The following FHL2 variants were observed in gnomAD, a reference collection of about 807,000 sequenced individuals.
FHL2 encodes four and a half LIM domains protein 2.
FHL2 carries 20 observed loss-of-function variants against 32.7 expected under a neutral mutation model. The ratio of observed to expected loss-of-function variants is 0.61; its 90% CI spans 0.43 to 0.89. FHL2 has a LOEUF of 0.89. Among genes scored for constraint, FHL2 ranks in the 40% least tolerant of loss-of-function variants. The pLI, the probability that FHL2 is intolerant of heterozygous loss-of-function variation, is 0.00. For synonymous variants in FHL2, 123 were observed against 128.1 expected, an observed-to-expected ratio of 0.96 and a Z score of 0.27; for missense variants, 311 against 358.6, an observed-to-expected ratio of 0.87 and a Z score of 1.07.
chr2:105,369,002 C>T (rs1326791880), intron 4 of FHL2, among the ~76,000 whole-genome samples: 2 of 152,110 alleles, frequency 1.3e-5, no homozygotes, highest in African/African-American at 4.8e-5. Flanking sequence ...GCTAGACGGC[C>T]GAGTAGTGTG....
At chr2:105,393,525 G>T (rs141653043) in intron 2 of FHL2, among the ~76,000 whole-genome samples, 2 of 152,118 alleles carry the variant, frequency 1.3e-5, no homozygotes, top group Non-Finnish European at 2.9e-5. Context: ...TCATGCAATT[G>T]CCCCGTCTTC....
At chr2:105,437,365 T>C (rs538164663) in intron 1 of FHL2, among the ~76,000 whole-genome samples, 4 of 152,244 alleles carry the variant, frequency 2.6e-5, no homozygotes, top group African/African-American at 9.6e-5. Context: ...ATGTATGTAC[T>C]GATACACATT....
At chr2:105,379,677 C>T (rs1050217035) in intron 3 of FHL2, among the ~76,000 whole-genome samples, 1 of 152,188 alleles carries the variant, frequency 6.6e-6, no homozygotes, top group Non-Finnish European at 1.5e-5. Flanking sequence ...AGATTGACCC[C>T]AACTCGCTTT....
chr2:105,419,839 A>G (rs1023595617), intron 1 of FHL2, among the ~76,000 whole-genome samples: 4 of 152,212 alleles, frequency 2.6e-5, no homozygotes, highest in African/African-American at 9.6e-5. Context: ...CACTTTTGCC[A>G]GTGTAATTAA....
chr2:105,426,820 G>A (rs538018219), intron 1 of FHL2, among the ~76,000 whole-genome samples: 5 of 152,344 alleles, frequency 3.3e-5, no homozygotes, highest in African/African-American at 1.2e-4. Context: ...GAGGTGTGGG[G>A]TTGCTGAGAA....
At chr2:105,428,139 A>C (rs753701915) in intron 1 of FHL2, among the ~76,000 whole-genome samples, 4 of 152,204 alleles carry the variant, frequency 2.6e-5, no homozygotes, top group Non-Finnish European at 4.4e-5. Context: ...AAGCCTGCTG[A>C]GGGTGGCCCC....
chr2:105,431,400 G>T (rs1302556097), intron 1 of FHL2, among the ~76,000 whole-genome samples: 1 of 152,242 alleles, frequency 6.6e-6, no homozygotes, highest in Non-Finnish European at 1.5e-5. Context: ...TTGATAAGGA[G>T]TGTCATTTTA....
intron 5 of FHL2, among the ~76,000 whole-genome samples, chr2:105,367,130 C>A (rs1401280022): frequency 6.6e-6 from 1 of 152,170 alleles, no homozygotes; most frequent in Non-Finnish European, 1.5e-5. Context: ...AGACTTTTCT[C>A]CTTTACTTTT....
intron 1 of FHL2, among the ~76,000 whole-genome samples, chr2:105,432,647 A>C (rs1456277921): frequency 6.6e-6 from 1 of 152,166 alleles, no homozygotes; most frequent in Non-Finnish European, 1.5e-5. Flanking sequence ...CCCCAACACA[A>C]ACAGACTTAT....
chr2:105,435,543 C>T (rs1684583368), intron 1 of FHL2, among the ~76,000 whole-genome samples: 1 of 152,180 alleles, frequency 6.6e-6, no homozygotes, highest in Middle Eastern at 3.2e-3. Context: ...ACCATCTAGA[C>T]ATGCTTACTC....
rs34179780 is a variant in FHL2 at position 105,396,690 on chromosome 2, C to A, written c.-68G>T. The A allele has an allele frequency of 6.3e-5, 101 of 1,612,650 alleles. No individual in the cohort carries two copies. Among genetic ancestry groups the A allele is most frequent in the Non-Finnish European group, 8.3e-5 (98 of 1,179,730 alleles). On this transcript the variant is annotated 5_prime_UTR_variant, in exon 2 of 7. Coordinates refer to ENST00000530340, the MANE Select transcript of FHL2 (RefSeq NM_001318895.3). The stretch of plus-strand genomic sequence containing the variant: ...GCCTAGTCTCCAGGAAGACACAGTT[C>A]TCAGCCACTAGAGAAAGCACACGTG...
intron 3 of FHL2, among the ~76,000 whole-genome samples, chr2:105,384,983 G>C (rs1004609436): frequency 6.6e-6 from 1 of 152,216 alleles, no homozygotes; most frequent in Admixed American, 6.5e-5. Flanking sequence ...GTCGTCAGGT[G>C]CAGTGAGACA....
At chr2:105,416,808 AC>A (rs1180556821) in intron 1 of FHL2, among the ~76,000 whole-genome samples, 1 of 152,250 alleles carries the variant, frequency 6.6e-6, no homozygotes, top group Non-Finnish European at 1.5e-5. Flanking sequence ...GCTAATTTTC[AC>A]CTGAAAACTC....
chr2:105,428,169 G>A (rs1684319096), intron 1 of FHL2, among the ~76,000 whole-genome samples: 1 of 152,202 alleles, frequency 6.6e-6, no homozygotes, highest in African/African-American at 2.4e-5. Context: ...CCACCTGGAG[G>A]AACAAAGGTC....
chr2:105,405,622 AT>A (rs1219692883), intron 1 of FHL2, among the ~76,000 whole-genome samples: 1 of 152,238 alleles, frequency 6.6e-6, no homozygotes, highest in Non-Finnish European at 1.5e-5. Flanking sequence ...TTCTTTGTGA[AT>A]TAACTTTATG....
chr2:105,366,424 CAGG>C (rs900290846), intron 5 of FHL2, among the ~76,000 whole-genome samples: 2 of 152,226 alleles, frequency 1.3e-5, no homozygotes, highest in Non-Finnish European at 2.9e-5. Flanking sequence ...GAGTCAATAA[CAGG>C]AGGAGAGCGA....
chr2:105,396,756 T>C, intron 1 of FHL2, 59 bp from the exon 2 acceptor site: 1 of 1,492,062 alleles, frequency 6.7e-7, no homozygotes, highest in Non-Finnish European at 9.3e-7. Context: ...GAACTCAGTA[T>C]AATGCAACTT....
chr2:105,384,648 C>T (rs554023605), intron 3 of FHL2, among the ~76,000 whole-genome samples: 68 of 152,300 alleles, frequency 4.5e-4, no homozygotes, highest in South Asian at 1.5e-3. Context: ...GCTGGGATTA[C>T]AGATATGCAC....
intron 1 of FHL2, among the ~76,000 whole-genome samples, chr2:105,418,614 G>A (rs1015501847): frequency 2.6e-5 from 4 of 152,096 alleles, no homozygotes; most frequent in African/African-American, 4.8e-5. Context: ...TAAAGTATGC[G>A]CAGACATAGA....
Sources: gnomAD v4.1 joint callset for allele counts (sites outside exome capture counted in the v4.1 genomes callset) on GRCh38, gnomAD v4.1.1 for gene constraint, MANE v1.5 for transcripts, NCBI Gene and HGNC (gene_info 2026-07-23, HGNC 2026-07-21) for gene names.